C11orf65: variants seen among roughly 807,000 people sequenced by gnomAD.
C11orf65 encodes protein MFI.
A neutral mutation model predicts 35.3 loss-of-function variants in C11orf65; 38 were observed. That is an observed-to-expected ratio of 1.08 (90% CI 0.83 to 1.41). The LOEUF (loss-of-function observed/expected upper bound fraction) is 1.41, where lower values mean the gene tolerates loss of function less well. Among genes scored for constraint, C11orf65 ranks in the 40% most tolerant of loss-of-function variants. C11orf65 has a pLI of 0.00. For missense variants in C11orf65, 370 were observed against 367.1 expected (o/e 1.01, Z -0.06); for synonymous variants, 105 against 114.4 (o/e 0.92, Z 0.53).
intron 6 of C11orf65, chr11:108,321,533 A>G (rs2085224392): frequency 6.7e-6 from 10 of 1,494,104 alleles, no homozygotes; most frequent in Non-Finnish European, 9.2e-6. Context: ...CTGTAATCCT[A>G]GCACTTTAGA....
At chr11:108,450,362 T>G (rs914867351) in intron 2 of C11orf65, among the ~76,000 whole-genome samples, 1 of 151,632 alleles carries the variant, frequency 6.6e-6, no homozygotes, top group African/African-American at 2.4e-5. Flanking sequence ...TAGCAAAGAC[T>G]TGGAACTAAC....
intron 3 of C11orf65, among the ~76,000 whole-genome samples, chr11:108,428,374 G>C (rs1197104379): frequency 6.6e-6 from 1 of 152,124 alleles, no homozygotes; most frequent in Non-Finnish European, 1.5e-5. Context: ...ATGTTTATTG[G>C]AGCAGTGTTC....
At chr11:108,386,054 T>C in intron 7 of C11orf65, 79 bp from the exon 8 acceptor site, 1 of 1,205,990 alleles carries the variant, frequency 8.3e-7, no homozygotes, top group African/African-American at 1.5e-5. Context: ...AATTCCACTT[T>C]TCAGAAATCT....
chr11:108,461,993 T>C (rs1463634268), intron 1 of C11orf65, among the ~76,000 whole-genome samples: 2 of 152,106 alleles, frequency 1.3e-5, no homozygotes, highest in Non-Finnish European at 2.9e-5. Context: ...GTTGTATAAA[T>C]AAAACAATTA....
intron 6 of C11orf65, among the ~76,000 whole-genome samples, chr11:108,398,005 G>A (rs1591463817): frequency 1.3e-5 from 2 of 152,328 alleles, no homozygotes; most frequent in African/African-American, 2.4e-5. Flanking sequence ...GTATGTAAGG[G>A]AAGGTTTCAG....
At chr11:108,329,952 T>C (rs2086080999), downstream of C11orf65, among the ~76,000 whole-genome samples, 1 of 152,256 alleles carries the variant, frequency 6.6e-6, no homozygotes, top group Non-Finnish European at 1.5e-5. Flanking sequence ...GTCTTGAATC[T>C]GTATATTTTA....
intron 2 of C11orf65, chr11:108,355,513 C>G (rs141799602): frequency 6.5e-6 from 1 of 154,286 alleles, no homozygotes. Context: ...CAGTCATTCA[C>G]CAATCTGGTA....
chr11:108,427,157 A>C (rs889603637), intron 3 of C11orf65, among the ~76,000 whole-genome samples: 1 of 152,188 alleles, frequency 6.6e-6, no homozygotes, highest in Non-Finnish European at 1.5e-5. Context: ...AAACACCAAA[A>C]GCAATGGCAA....
intron 2 of C11orf65, among the ~76,000 whole-genome samples, chr11:108,447,390 C>T (rs1319164865): frequency 6.6e-6 from 1 of 151,970 alleles, no homozygotes; most frequent in East Asian, 1.9e-4. Flanking sequence ...GGAAGTAAAG[C>T]TCTCCTCAGC....
In C11orf65 at chr11:108,406,728, C is replaced by T. The variant is rs201159520; in HGVS notation, c.429+35G>A. 1.2e-4 allele frequency: 169 copies of T among 1,362,872 alleles called. 1 individual carries two copies. The highest frequency in any genetic ancestry group is 1.2e-3 in the Admixed American group (60 of 50,636). 84.4% of individuals were successfully genotyped at this position (1,362,872 alleles called of 1,614,324 possible). ...GAAAAGACAAATGGGTTTCTAAATACGTAAGGTTAAAAATTAACATTTCTC... is the reference window on the plus strand; with the variant it reads ...GAAAAGACAAATGGGTTTCTAAATATGTAAGGTTAAAAATTAACATTTCTC... On this transcript the variant is annotated intron_variant, in intron 5 of 8. Coordinates refer to ENST00000393084, the MANE Select transcript of C11orf65 (RefSeq NM_152587.5).
intron 2 of C11orf65, among the ~76,000 whole-genome samples, chr11:108,445,118 G>A (rs998777635): frequency 6.6e-6 from 1 of 152,192 alleles, no homozygotes; most frequent in Non-Finnish European, 1.5e-5. Context: ...AGCTCCAACT[G>A]GATGGAGCCC....
In C11orf65 at chr11:108,430,505, T is replaced by C. The variant is rs564886124; in HGVS notation, c.174+1241A>G. On this transcript the variant is annotated intron_variant, in intron 3 of 8. Coordinates refer to ENST00000393084, the MANE Select transcript of C11orf65 (RefSeq NM_152587.5). ...ATTATGCGTACTTTACCACAAAAAG[T>C]AAATTGAGAAAAAAGTAGTTTTAAA... Among the ~76,000 whole-genome samples the C allele has an allele frequency of 9.2e-5, 14 of 151,636 alleles. No individual in the cohort carries two copies. The East Asian group carries it at 2.7e-3, about 29-fold the overall frequency.
chr11:108,375,418 T>C (rs1283407233), intron 2 of C11orf65, among the ~76,000 whole-genome samples: 2 of 150,682 alleles, frequency 1.3e-5, no homozygotes, highest in African/African-American at 2.4e-5. Context: ...TAAAATACTT[T>C]ACAGACAAGC....
intron 2 of C11orf65, among the ~76,000 whole-genome samples, chr11:108,458,272 G>A (rs1242730095): frequency 6.8e-6 from 1 of 147,916 alleles, no homozygotes; most frequent in African/African-American, 2.5e-5. Flanking sequence ...TCGGGAGGCT[G>A]AGGCACGAGA....
chr11:108,444,807 T>C (rs911329622), intron 2 of C11orf65, among the ~76,000 whole-genome samples: 2 of 152,120 alleles, frequency 1.3e-5, no homozygotes, highest in Admixed American at 6.6e-5. Flanking sequence ...GGGCAAGGCA[T>C]TGCCTCACTC....
intron 2 of C11orf65, among the ~76,000 whole-genome samples, chr11:108,336,607 A>G (rs1484394201): frequency 2.6e-5 from 4 of 152,222 alleles, no homozygotes; most frequent in African/African-American, 9.6e-5. Flanking sequence ...TGCTACAAAC[A>G]ACGCTGTATT....
intron 2 of C11orf65, among the ~76,000 whole-genome samples, chr11:108,437,674 C>T (rs1252959931): frequency 1.6e-5 from 2 of 127,424 alleles, no homozygotes; most frequent in Non-Finnish European, 3.1e-5. Context: ...AGCACCACTG[C>T]ACTCCAGCCT....
At chr11:108,443,837 T>C (rs2093203441) in intron 2 of C11orf65, among the ~76,000 whole-genome samples, 1 of 152,140 alleles carries the variant, frequency 6.6e-6, no homozygotes, top group African/African-American at 2.4e-5. Context: ...GACAGAAATT[T>C]ATAGCACTAA....
chr11:108,452,309 G>GA (rs1359954599), intron 2 of C11orf65, among the ~76,000 whole-genome samples: 2 of 151,976 alleles, frequency 1.3e-5, no homozygotes, highest in Non-Finnish European at 2.9e-5. Context: ...AAATTTACAA[G>GA]AAAAAAATCA....
Sources: gnomAD v4.1 joint callset for allele counts (sites outside exome capture counted in the v4.1 genomes callset) on GRCh38, gnomAD v4.1.1 for gene constraint, MANE v1.5 for transcripts, NCBI Gene and HGNC (gene_info 2026-07-23, HGNC 2026-07-21) for gene names.